The following OCA2 variants were observed in gnomAD, a reference collection of about 807,000 sequenced individuals.
OCA2 encodes P protein.
In OCA2, 77 loss-of-function variants were observed where a neutral mutation model predicts 100.2. That is an observed-to-expected ratio of 0.77 (90% CI 0.64 to 0.93). The LOEUF (loss-of-function observed/expected upper bound fraction) is 0.93, where lower values mean the gene tolerates loss of function less well. Ranked by LOEUF, OCA2 falls within the 40% of genes least tolerant of loss-of-function variation. The pLI, the probability that OCA2 is intolerant of heterozygous loss-of-function variation, is 0.00. For missense variants in OCA2, 1,062 were observed against 1,089.1 expected (o/e 0.98, Z 0.35); for synonymous variants, 432 against 439.2 (o/e 0.98, Z 0.21).
intron 2 of OCA2, among the ~76,000 whole-genome samples, chr15:28,035,470 G>T (rs2043020924): frequency 6.6e-6 from 1 of 152,166 alleles, no homozygotes; most frequent in Non-Finnish European, 1.5e-5. Flanking sequence ...GTGATCCAGA[G>T]AGCTCACAGA....
chr15:27,921,526 A>C (rs944894080), intron 19 of OCA2, among the ~76,000 whole-genome samples: 26 of 150,312 alleles, frequency 1.7e-4, no homozygotes, highest in African/African-American at 5.8e-4. Flanking sequence ...GATACACACA[A>C]ACACACACAC....
intron 14 of OCA2, among the ~76,000 whole-genome samples, chr15:27,978,909 A>C (rs2041056622): frequency 6.6e-6 from 1 of 151,582 alleles, no homozygotes; most frequent in South Asian, 2.1e-4. Flanking sequence ...ATGGTCTTGA[A>C]CTCTTGATCT....
chr15:28,014,931 T>G lies in OCA2; in HGVS notation c.891-2A>C, dbSNP rs780713145. 6.2e-7 allele frequency: 1 copy of G among 1,614,134 alleles called. No homozygotes were observed. Among genetic ancestry groups the G allele is most frequent in the South Asian group, 1.1e-5 (1 of 91,062 alleles). ...CGGATGCTGATGGACACCGTCTCTC[T>G]GCAGAACGAAACAACGACCTTACTG... is the stretch of plus-strand genomic sequence containing the variant. On this transcript the variant is annotated splice_acceptor_variant, in intron 8 of 23. Transcript: ENST00000354638. LOFTEE classifies it high-confidence loss of function.
chr15:27,758,871 C>T (rs2030604027), intron 23 of OCA2, among the ~76,000 whole-genome samples: 2 of 152,066 alleles, frequency 1.3e-5, no homozygotes, highest in African/African-American at 4.8e-5. Flanking sequence ...TTTGTATCAT[C>T]GGAGAAAGAG....
At chr15:27,887,798 G>A (rs2037291021) in intron 19 of OCA2, among the ~76,000 whole-genome samples, 1 of 151,492 alleles carries the variant, frequency 6.6e-6, no homozygotes, top group Admixed American at 6.6e-5. Flanking sequence ...AGCTAGGTGG[G>A]CTTGTTCCTC....
chr15:27,824,602 C>CTCTCTCTCTATATATATA lies in OCA2; in HGVS notation c.2432+20356_2432+20357insTATATATATAGAGAGAGA. ...TTTCTCTCTCTCTCTCTCTCTCTCT[C>CTCTCTCTCTATATATATA]TATATATATATATATATATAATATA... On this transcript the variant is annotated intron_variant, in intron 23 of 23. Coordinates refer to ENST00000354638, the MANE Select transcript of OCA2 (RefSeq NM_000275.3). Among the ~76,000 whole-genome samples the CTCTCTCTCTATATATATA allele has an allele frequency of 8.2e-4, 39 of 47,592 alleles. 2 individuals are homozygous for CTCTCTCTCTATATATATA. The highest frequency in any genetic ancestry group is 3.8e-3 in the African/African-American group (24 of 6,320). The allele number at this position is 47,592 out of a possible 152,430, so 31.2% of individuals were successfully genotyped here.
chr15:27,729,098 C>T, the OCA2 span, among the ~76,000 whole-genome samples: 3 of 152,084 alleles, frequency 2.0e-5, no homozygotes, highest in Non-Finnish European at 4.4e-5. Context: ...GCTATTGGCC[C>T]CCTTTTCCTC....
chr15:27,854,770 G>A (rs2151426622), intron 21 of OCA2, among the ~76,000 whole-genome samples: 1 of 152,310 alleles, frequency 6.6e-6, no homozygotes, highest in East Asian at 1.9e-4. Context: ...AGGCCACGGG[G>A]CCCCTAGGCA....
chr15:27,862,464 G>C (rs1281895452), intron 21 of OCA2, among the ~76,000 whole-genome samples: 1 of 147,278 alleles, frequency 6.8e-6, no homozygotes, highest in African/African-American at 2.6e-5. Flanking sequence ...AAAAAAAGTA[G>C]ACCTCCTCAG....
At chr15:27,769,532 T>A (rs1392350950) in intron 23 of OCA2, among the ~76,000 whole-genome samples, 3 of 152,140 alleles carry the variant, frequency 2.0e-5, no homozygotes, top group Non-Finnish European at 1.5e-5. Context: ...GACTACACAT[T>A]GGGTGCAGGG....
downstream of OCA2, among the ~76,000 whole-genome samples, chr15:27,753,604 G>A (rs1459075739): frequency 6.6e-6 from 1 of 152,072 alleles, no homozygotes; most frequent in African/African-American, 2.4e-5. Context: ...AGGCGTGGTG[G>A]CGGGTGCATG....
At chr15:27,822,881 G>A (rs564755553) in intron 23 of OCA2, among the ~76,000 whole-genome samples, 1 of 152,256 alleles carries the variant, frequency 6.6e-6, no homozygotes, top group African/African-American at 2.4e-5. Flanking sequence ...TGACCAAAAG[G>A]TCTTAAATAT....
chr15:27,758,722 A>G (rs1268910504), intron 23 of OCA2, among the ~76,000 whole-genome samples: 1 of 152,194 alleles, frequency 6.6e-6, no homozygotes, highest in Non-Finnish European at 1.5e-5. Flanking sequence ...CAATAATATA[A>G]TGGAGAGTAT....
At chr15:27,891,287 C>T (rs2037450042) in intron 19 of OCA2, among the ~76,000 whole-genome samples, 1 of 151,974 alleles carries the variant, frequency 6.6e-6, no homozygotes, top group Non-Finnish European at 1.5e-5. Flanking sequence ...CACTCCAAAA[C>T]TATACAAAGA....
At chr15:27,736,202 A>G in the OCA2 span, among the ~76,000 whole-genome samples, 1 of 152,260 alleles carries the variant, frequency 6.6e-6, no homozygotes, top group Non-Finnish European at 1.5e-5. Flanking sequence ...TGTGTATTAC[A>G]TATGCTAAAA....
chr15:27,966,659 T>C (rs1008767131), intron 15 of OCA2, 31 bp downstream of exon 15: 2 of 1,612,522 alleles, frequency 1.2e-6, no homozygotes, highest in South Asian at 1.1e-5. Context: ...TCATGAAATC[T>C]GAGCCTACAT....
chr15:28,006,269 C>T (rs891409440), intron 9 of OCA2, among the ~76,000 whole-genome samples: 1 of 152,198 alleles, frequency 6.6e-6, no homozygotes, highest in Admixed American at 6.5e-5. Context: ...CACCACCCCC[C>T]ACCTCTCATT....
chr15:27,951,228 A>C (rs1156290400), intron 18 of OCA2, among the ~76,000 whole-genome samples: 1 of 152,160 alleles, frequency 6.6e-6, no homozygotes, highest in East Asian at 1.9e-4. Flanking sequence ...GAAAGTGGAG[A>C]GGTCTGAGAG....
intron 2 of OCA2, among the ~76,000 whole-genome samples, chr15:28,051,464 G>GT (rs1309374438): frequency 6.6e-6 from 1 of 151,798 alleles, no homozygotes; most frequent in South Asian, 2.1e-4. Context: ...ACCTAATTTT[G>GT]TTTTTTTAGC....
Sources: allele counts gnomAD v4.1 joint callset (sites outside exome capture counted in the v4.1 genomes callset), GRCh38; gene constraint gnomAD v4.1.1; transcripts MANE v1.5; gene names NCBI Gene and HGNC (gene_info 2026-07-23, HGNC 2026-07-21).